The following SYNDIG1L variants were observed in gnomAD, a reference collection of about 807,000 sequenced individuals.
The protein encoded by SYNDIG1L is synapse differentiation-inducing gene protein 1-like.
Under a neutral mutation model 20.1 loss-of-function variants are expected in SYNDIG1L, and 13 were observed. That is an observed-to-expected ratio of 0.65 (90% CI 0.42 to 1.03). The LOEUF (loss-of-function observed/expected upper bound fraction) is 1.03, where lower values mean the gene tolerates loss of function less well. Among genes scored for constraint, SYNDIG1L ranks in the 50% least tolerant of loss-of-function variants. The pLI, the probability that SYNDIG1L is intolerant of heterozygous loss-of-function variation, is 0.00. For synonymous variants in SYNDIG1L, 128 were observed against 129.3 expected (o/e 0.99, Z 0.07); for missense variants, 294 against 305.1 (o/e 0.96, Z 0.27).
At chr14:74,459,286 C>T in the SYNDIG1L span, among the ~76,000 whole-genome samples, 2 of 152,092 alleles carry the variant, frequency 1.3e-5, no homozygotes, top group African/African-American at 4.8e-5. Context: ...GAGGCTGAGG[C>T]GGGCAGATCG....
the SYNDIG1L span, among the ~76,000 whole-genome samples, chr14:74,459,435 C>T: frequency 7.9e-5 from 12 of 152,176 alleles, no homozygotes; most frequent in African/African-American, 2.7e-4. Context: ...GAGTGGGAGG[C>T]GGAGGTTGCA....
At chr14:74,440,668 C>T in the SYNDIG1L span, among the ~76,000 whole-genome samples, 3 of 150,748 alleles carry the variant, frequency 2.0e-5, no homozygotes, top group African/African-American at 7.3e-5. Flanking sequence ...CTGGGGGACA[C>T]AGCGAGACTC....
chr14:74,471,617 T>C, the SYNDIG1L span, among the ~76,000 whole-genome samples: 3,148 of 130,750 alleles, frequency 0.024, 126 homozygotes, highest in African/African-American at 0.086. Context: ...CACACACACA[T>C]ACACACACAC....
chr14:74,462,550 G>A, the SYNDIG1L span, among the ~76,000 whole-genome samples: 1 of 151,308 alleles, frequency 6.6e-6, no homozygotes, highest in East Asian at 2.0e-4. Flanking sequence ...TAAATGCCCG[G>A]GCTGGAGTGC....
At position 74,417,210 on chromosome 14, in the gene SYNDIG1L, A is replaced by T. The variant is rs11851901; in HGVS notation, c.-57-7409T>A. Among the ~76,000 whole-genome samples the T allele has an allele frequency of 2.8e-3, 434 of 152,338 alleles. 5 individuals carry two copies. Among genetic ancestry groups the T allele is most frequent in the African/African-American group, 9.9e-3 (411 of 41,580 alleles). The stretch of plus-strand genomic sequence containing the variant: ...ACCCAAGTCTGTTTGACCAGAATGC[A>T]TGCTTTTAGCCACCAAACAGATGCA... On this transcript the variant is annotated intron_variant, in intron 1 of 3. Coordinates refer to ENST00000331628, the MANE Select transcript of SYNDIG1L (RefSeq NM_001105579.2).
At chr14:74,468,599 C>G in the SYNDIG1L span, among the ~76,000 whole-genome samples, 9 of 152,120 alleles carry the variant, frequency 5.9e-5, no homozygotes, top group East Asian at 1.9e-4. Context: ...GCTCTTCCCC[C>G]ACACACACTG....
the SYNDIG1L span, among the ~76,000 whole-genome samples, chr14:74,465,134 G>A: frequency 2.0e-5 from 3 of 152,260 alleles, no homozygotes; most frequent in East Asian, 1.9e-4. Flanking sequence ...GGAGGGCTTC[G>A]GATGGTGTCT....
chr14:74,476,142 T>G, the SYNDIG1L span: 2 of 421,536 alleles, frequency 4.7e-6, no homozygotes, highest in East Asian at 4.3e-5. Flanking sequence ...TTTCCTATGT[T>G]GATCCATTTG....
the SYNDIG1L span, among the ~76,000 whole-genome samples, chr14:74,456,533 A>G: frequency 6.6e-6 from 1 of 152,154 alleles, no homozygotes; most frequent in African/African-American, 2.4e-5. Flanking sequence ...CCATCTCAAA[A>G]CAAAACAAAA....
At chr14:74,467,106 C>T in the SYNDIG1L span, among the ~76,000 whole-genome samples, 1 of 152,052 alleles carries the variant, frequency 6.6e-6, no homozygotes, top group African/African-American at 2.4e-5. Context: ...TAATGGGTCA[C>T]CGTGTTATTT....
In SYNDIG1L at chr14:74,407,609, C is replaced by T. The variant is rs533455192; in HGVS notation, c.643G>A (p.Ala215Thr). 2.2e-5 allele frequency: 35 copies of T among 1,614,108 alleles called. No homozygotes were observed. In the South Asian group the frequency reaches 3.1e-4, roughly 14 times the overall value. ...GCCACGTAGAGACCGGCCCCCACGG[C>T]GATGGCGAGTGTGGCTAGGAAGAGG... ...RALFLATLAI[A>T]VGAGLYVAVV... The change falls in exon 4 of 4, where the codon GCC (alanine) becomes ACC (threonine). Residue 215 changes from alanine to threonine, a missense_variant. Transcript: ENST00000331628.
At chr14:74,478,324 A>G in the SYNDIG1L span, among the ~76,000 whole-genome samples, 1 of 152,282 alleles carries the variant, frequency 6.6e-6, no homozygotes, top group African/African-American at 2.4e-5. Context: ...AATGCAAGTT[A>G]TAAACAATGA....
upstream of SYNDIG1L, among the ~76,000 whole-genome samples, chr14:74,430,843 C>T (rs1211799210): frequency 6.6e-6 from 1 of 152,170 alleles, no homozygotes; most frequent in African/African-American, 2.4e-5. Context: ...CAACACACAG[C>T]AATTTTTGAA....
the SYNDIG1L span, among the ~76,000 whole-genome samples, chr14:74,460,160 G>A: frequency 3.3e-5 from 5 of 152,106 alleles, no homozygotes. Flanking sequence ...GAAGCAGATG[G>A]CAGACTCCGG....
At chr14:74,476,895 G>T in the SYNDIG1L span, among the ~76,000 whole-genome samples, 1 of 152,094 alleles carries the variant, frequency 6.6e-6, no homozygotes, top group Admixed American at 6.5e-5. Context: ...CTAGGGATAG[G>T]CTGAGGAATT....
upstream of SYNDIG1L, among the ~76,000 whole-genome samples, chr14:74,430,523 C>T (rs1475607551): frequency 6.6e-6 from 1 of 151,296 alleles, no homozygotes; most frequent in Non-Finnish European, 1.5e-5. Context: ...GCAACCTCCG[C>T]CTCCCAGGTT....
chr14:74,409,862 T>C (rs2086117643), intron 1 of SYNDIG1L, 61 bp from the exon 2 acceptor site: 1 of 1,252,506 alleles, frequency 8.0e-7, no homozygotes, highest in African/African-American at 1.5e-5. Context: ...GGACCTAAAG[T>C]GGTGAAGAGC....
chr14:74,432,029 C>T, the SYNDIG1L span, among the ~76,000 whole-genome samples: 1 of 151,890 alleles, frequency 6.6e-6, no homozygotes, highest in African/African-American at 2.4e-5. Flanking sequence ...GGTCTGCAAG[C>T]AGAGGGGGAA....
At chr14:74,451,689 G>A in the SYNDIG1L span, among the ~76,000 whole-genome samples, 1 of 152,132 alleles carries the variant, frequency 6.6e-6, no homozygotes, top group Admixed American at 6.6e-5. Flanking sequence ...ACTTCTATGT[G>A]CAATATAAAG....
Sources: gnomAD v4.1 joint callset for allele counts (sites outside exome capture counted in the v4.1 genomes callset) on GRCh38, gnomAD v4.1.1 for gene constraint, MANE v1.5 for transcripts, NCBI Gene and HGNC (gene_info 2026-07-23, HGNC 2026-07-21) for gene names.